The following HAUS7 variants were observed in gnomAD, a reference collection of about 807,000 sequenced individuals.
HAUS7 encodes HAUS augmin like complex subunit 7, also known as HAUS augmin-like complex subunit 7.
A neutral mutation model predicts 28.4 loss-of-function variants in HAUS7; 3 were observed. That is an observed-to-expected ratio of 0.11 (90% confidence interval 0.05 to 0.27). HAUS7 has a LOEUF of 0.27. Among genes scored for constraint, HAUS7 ranks in the 10% least tolerant of loss-of-function variants. The pLI is 1.00. For missense variants in HAUS7, 284 were observed against 297.3 expected (o/e 0.96, Z 0.33); for synonymous variants, 165 against 132.1 (o/e 1.25, Z -1.71).
At chrX:153,466,181 G>A (rs2089452879) in intron 2 of HAUS7, among the ~76,000 whole-genome samples, 1 of 112,918 alleles carries the variant, frequency 8.9e-6, no homozygotes, top group East Asian at 2.8e-4. Flanking sequence ...GGTTGGGGAA[G>A]GAAGGGGGAG....
chrX:153,460,700 C>T (rs2089377537), intron 4 of HAUS7, among the ~76,000 whole-genome samples: 1 of 112,014 alleles, frequency 8.9e-6, no homozygotes, highest in Non-Finnish European at 1.9e-5. Flanking sequence ...AGTGCTCCCA[C>T]GGCTGGGCAG....
At chrX:153,475,508 A>G (rs782428234), upstream of HAUS7, among the ~76,000 whole-genome samples, 1 of 112,461 alleles carries the variant, frequency 8.9e-6, no homozygotes, top group East Asian at 2.8e-4. Flanking sequence ...TTTCAGTAGC[A>G]TTAAAATAAG....
intron 9 of HAUS7, among the ~76,000 whole-genome samples, chrX:153,449,177 C>T (rs952119526): frequency 7.1e-5 from 8 of 112,143 alleles, no homozygotes; most frequent in Admixed American, 2.8e-4. Flanking sequence ...GCTCCCCATC[C>T]GTGGCCCCAC....
At chrX:153,474,935 G>A (rs1556985995), upstream of HAUS7, among the ~76,000 whole-genome samples, 1 of 111,557 alleles carries the variant, frequency 9.0e-6, no homozygotes, top group African/African-American at 3.2e-5. Flanking sequence ...GCGGGGCTGA[G>A]TCACATGCGT....
At chrX:153,470,992 G>C, upstream of HAUS7, 1 of 332,200 alleles carries the variant, frequency 3.0e-6, no homozygotes, top group South Asian at 2.6e-5. Flanking sequence ...AGGAGGGGGC[G>C]CTCCTGCCTT....
intron 4 of HAUS7, among the ~76,000 whole-genome samples, chrX:153,459,864 A>G (rs1257040631): frequency 4.5e-5 from 5 of 111,852 alleles, no homozygotes; most frequent in African/African-American, 1.6e-4. Context: ...AAAATTTTAA[A>G]AATTAGCTGA....
intron 1 of HAUS7, among the ~76,000 whole-genome samples, chrX:153,490,324 T>A (rs1371668196): frequency 8.9e-6 from 1 of 112,813 alleles, no homozygotes; most frequent in African/African-American, 3.2e-5. Flanking sequence ...AGGGGAGAGA[T>A]GCTGTGTGAT....
intron 4 of HAUS7, chrX:153,462,040 A>C: frequency 2.8e-6 from 2 of 703,259 alleles, no homozygotes; most frequent in Non-Finnish European, 4.4e-6. Flanking sequence ...GGGCTGTGTC[A>C]TAGGCCATTG....
chrX:153,472,449 GCCACCCA>G (rs1372685230), upstream of HAUS7, among the ~76,000 whole-genome samples: 96 of 7,827 alleles, frequency 0.012, no homozygotes, highest in African/African-American at 0.045. Context: ...CCCACCACCT[GCCACCCA>G]CCACCCGCCC....
intron 9 of HAUS7, among the ~76,000 whole-genome samples, chrX:153,451,202 G>C (rs782722211): frequency 1.8e-5 from 2 of 112,362 alleles, no homozygotes; most frequent in South Asian, 7.4e-4. Flanking sequence ...TACTACACTT[G>C]ATCTTAGCCA....
At chrX:153,494,739 A>AGGG (rs782707145) in intron 1 of HAUS7, among the ~76,000 whole-genome samples, 2 of 26,220 alleles carry the variant, frequency 7.6e-5, no homozygotes, top group African/African-American at 2.3e-4. Flanking sequence ...CAGGCGGGGG[A>AGGG]GGGGGGGGGA....
intron 4 of HAUS7, 125 bp downstream of exon 4, chrX:153,462,485 G>T: frequency 1.7e-6 from 1 of 590,625 alleles, no homozygotes; most frequent in East Asian, 3.6e-5. Flanking sequence ...GCCGGCCCCA[G>T]GGCCTGAGGA....
At chrX:153,460,404 G>A (rs1377419604) in intron 4 of HAUS7, among the ~76,000 whole-genome samples, 3 of 111,815 alleles carry the variant, frequency 2.7e-5, no homozygotes, top group African/African-American at 6.5e-5. Context: ...AATTGAGGAC[G>A]AAGTATCAGT....
chrX:153,461,921 C>G (rs1444840903), intron 4 of HAUS7: 2 of 369,953 alleles, frequency 5.4e-6, no homozygotes, highest in African/African-American at 5.3e-5. Flanking sequence ...ACGTGTTCAA[C>G]CAGCCAGTGT....
chrX:153,455,204 T>C lies in HAUS7; in HGVS notation c.930+338A>G, dbSNP rs2089289759. On this transcript the variant is annotated intron_variant, in intron 8 of 9. Coordinates refer to ENST00000370211, the MANE Select transcript of HAUS7 (RefSeq NM_001385482.1). ...ACAAGAATGAATGGACCTTGCTATT[T>C]TGGAGCGTAACGTGACAACAGTGCG... 7.1e-5 allele frequency: 30 copies of C among 419,872 alleles called. No individual in the cohort carries two copies. The South Asian group carries it at 8.1e-4, about 11-fold the overall frequency. 34.6% of individuals were successfully genotyped at this position (419,872 alleles called of 1,213,427 possible).
At chrX:153,448,023 C>T (rs2089184924) in intron 9 of HAUS7, 114 bp from the exon 10 acceptor site, 1 of 565,966 alleles carries the variant, frequency 1.8e-6, no homozygotes, top group African/African-American at 2.3e-5. Context: ...TACCATTTGA[C>T]CCAGCCATCC....
intron 9 of HAUS7, among the ~76,000 whole-genome samples, chrX:153,449,120 C>A (rs1360065609): frequency 1.8e-5 from 2 of 112,321 alleles, no homozygotes; most frequent in African/African-American, 6.5e-5. Flanking sequence ...ATCCCCCTCC[C>A]CCAGCAGACA....
chrX:153,487,655 G>C (rs2089647345), intron 1 of HAUS7, among the ~76,000 whole-genome samples: 1 of 112,743 alleles, frequency 8.9e-6, no homozygotes, highest in East Asian at 2.8e-4. Context: ...CCAGGGAAGG[G>C]TGGGGAGTGA....
At chrX:153,492,043 C>T (rs2089674509) in intron 1 of HAUS7, among the ~76,000 whole-genome samples, 2 of 112,422 alleles carry the variant, frequency 1.8e-5, no homozygotes, top group Admixed American at 1.9e-4. Flanking sequence ...GCCGCGGGTT[C>T]CTGGGGAGCT....
Sources: gnomAD v4.1 joint callset for allele counts (sites outside exome capture counted in the v4.1 genomes callset) on GRCh38, gnomAD v4.1.1 for gene constraint, MANE v1.5 for transcripts, NCBI Gene and HGNC (gene_info 2026-07-23, HGNC 2026-07-21) for gene names.